Variants in SF3A3 observed in about 807,000 individuals in gnomAD.
SF3A3 encodes splicing factor 3a subunit 3, also known as SAP 61.
SF3A3 carries 9 observed loss-of-function variants against 85.8 expected under a neutral mutation model. The observed-to-expected ratio is 0.10, with a 90% CI of 0.06 to 0.18. SF3A3 has a LOEUF of 0.18. SF3A3 is among the 10% of genes least tolerant of loss of function. The probability of loss-of-function intolerance (pLI) is 1.00; values close to 1 mark genes in which losing one functional copy is unlikely to be tolerated. For missense variants in SF3A3, 306 were observed against 593.3 expected (o/e 0.52, Z 5.03); for synonymous variants, 195 against 204.4 (o/e 0.95, Z 0.39).
rs55747818 is a variant in SF3A3, at chr1:37,965,302, C to CAAA, written c.1372+2739_1372+2741dup. ...GCAACATAAGGAAACCCCATCGGCA[C>CAAA]AAAAAAAAAAAAAAAAAGAAAATAA... is the stretch of plus-strand genomic sequence containing the variant. On this transcript the variant is annotated intron_variant, in intron 15 of 16. Coordinates refer to ENST00000373019, the MANE Select transcript of SF3A3 (RefSeq NM_006802.4). 9.2e-3 allele frequency among the ~76,000 whole-genome samples: 918 copies of CAAA among 100,262 alleles called. 52 individuals carry two copies. The highest frequency in any genetic ancestry group is 0.019 in the African/African-American group (469 of 24,808). The allele number at this position is 100,262 out of a possible 152,430, so 65.8% of individuals were successfully genotyped here.
intron 15 of SF3A3, among the ~76,000 whole-genome samples, chr1:37,960,897 C>A (rs555015214): frequency 1.3e-5 from 2 of 152,246 alleles, no homozygotes; most frequent in South Asian, 4.1e-4. Flanking sequence ...TCGTGATCCA[C>A]CCGCCTCGGC....
intron 15 of SF3A3, among the ~76,000 whole-genome samples, chr1:37,964,342 G>A (rs1646283883): frequency 6.6e-6 from 1 of 151,234 alleles, no homozygotes; most frequent in Non-Finnish European, 1.5e-5. Context: ...TAAGACACAC[G>A]TGTTGTAATC....
Position 37,968,037 on chromosome 1 carries a change from T to C in SF3A3, c.1372+7A>G, listed in dbSNP as rs1374053984. The C allele has an allele frequency of 1.9e-6, 3 of 1,590,420 alleles. No homozygotes were observed. The highest frequency in any genetic ancestry group is 1.7e-5 in the Admixed American group (1 of 59,954). ...CGCCTAGGAGACAGTAAATAAATCT[T>C]ACTTACAGGAGACAGCATCTTCAAT... On this transcript the variant is annotated splice_region_variant and intron_variant, in intron 15 of 16. Transcript: ENST00000373019.
intron 15 of SF3A3, 164 bp from the exon 16 acceptor site, chr1:37,960,339 C>CA: frequency 3.5e-6 from 2 of 574,230 alleles, no homozygotes; most frequent in Non-Finnish European, 6.3e-6. Context: ...CACCTATAGA[C>CA]AAAACCCTTT....
At chr1:37,976,804 A>G (rs1333043223) in intron 12 of SF3A3, 80 bp downstream of exon 12, 1 of 922,066 alleles carries the variant, frequency 1.1e-6, no homozygotes, top group Non-Finnish European at 1.8e-6. Context: ...AACCTAATGA[A>G]AAAGTATCTT....
chr1:37,982,025 T>TAA (rs2148723120), intron 6 of SF3A3, among the ~76,000 whole-genome samples: 1 of 132,618 alleles, frequency 7.5e-6, no homozygotes, highest in Non-Finnish European at 1.8e-5. Context: ...TCAGACATAA[T>TAA]AACTTTACAA....
chr1:37,975,171 G>A (rs1646371108), intron 12 of SF3A3, among the ~76,000 whole-genome samples: 1 of 152,174 alleles, frequency 6.6e-6, no homozygotes, highest in Non-Finnish European at 1.5e-5. Flanking sequence ...AAAGTATTTG[G>A]CTAGAACTGG....
intron 12 of SF3A3, among the ~76,000 whole-genome samples, chr1:37,970,354 T>A (rs574341247): frequency 6.8e-6 from 1 of 146,836 alleles, no homozygotes; most frequent in Non-Finnish European, 1.5e-5. Flanking sequence ...CCCAGATTCA[T>A]AAAGCAAGTC....
chr1:37,988,879 G>GTATATA (rs67489095), intron 2 of SF3A3, among the ~76,000 whole-genome samples: 5 of 144,354 alleles, frequency 3.5e-5, no homozygotes, highest in African/African-American at 8.1e-5. Flanking sequence ...GTGTGTGTGT[G>GTATATA]TATATATATA....
chr1:37,981,539 C>T (rs1646418732), intron 7 of SF3A3, among the ~76,000 whole-genome samples, 190 bp downstream of exon 7: 1 of 152,180 alleles, frequency 6.6e-6, no homozygotes, highest in Admixed American at 6.6e-5. Context: ...CCCACAGACA[C>T]ACCTTTGTCC....
chr1:37,974,215 G>C (rs1163845346), intron 12 of SF3A3, among the ~76,000 whole-genome samples: 2 of 149,718 alleles, frequency 1.3e-5, no homozygotes, highest in South Asian at 2.1e-4. Flanking sequence ...ATGTACCCTA[G>C]AACTTAAAGT....
rs569819275 is a variant in SF3A3, at chr1:37,964,192, A to G, written c.1372+3852T>C. Among the ~76,000 whole-genome samples, 32 of 151,762 alleles carry G rather than the reference A, an allele frequency of 2.1e-4. 1 individual carries two copies. The South Asian group carries it at 6.0e-3, about 29-fold the overall frequency. ...GACTCCGTCTCAAATAAAAAACAAG[A>G]ACAAAAACAAACTCTGTATGGCTAA... is the stretch of plus-strand genomic sequence containing the variant. On this transcript the variant is annotated intron_variant, in intron 15 of 16. Transcript: ENST00000373019.
chr1:37,965,825 G>T (rs1365143364), intron 15 of SF3A3, among the ~76,000 whole-genome samples: 1 of 151,790 alleles, frequency 6.6e-6, no homozygotes, highest in Admixed American at 6.6e-5. Flanking sequence ...TTTAACAGTG[G>T]GGGGTGGGAT....
intron 12 of SF3A3, among the ~76,000 whole-genome samples, chr1:37,972,434 A>C (rs1570460738): frequency 6.6e-6 from 1 of 152,332 alleles, no homozygotes; most frequent in South Asian, 2.1e-4. Context: ...ATACTGCCCA[A>C]GGTAATTTAT....
At chr1:37,971,436 AG>A (rs1219742830) in intron 12 of SF3A3, among the ~76,000 whole-genome samples, 1 of 152,150 alleles carries the variant, frequency 6.6e-6, no homozygotes, top group Non-Finnish European at 1.5e-5. Flanking sequence ...GTACAAAAAG[AG>A]CTGGTACCAT....
rs1261169754 is a variant in SF3A3 at position 37,989,536 on chromosome 1, C to A, written c.144+12G>T. The A allele has an allele frequency of 1.9e-6, 3 of 1,612,924 alleles. No homozygotes were observed. Among genetic ancestry groups the A allele is most frequent in the Non-Finnish European group, 1.7e-6 (2 of 1,179,664 alleles). On this transcript the variant is annotated intron_variant, in intron 2 of 16. Transcript: ENST00000373019. ...CGCCAACCCAAAGAGAGGCAGACAG[C>A]TGGGCACTCACATCTTGCATGGCCC... is the stretch of plus-strand genomic sequence containing the variant.
At position 37,982,095 on chromosome 1, in the gene SF3A3, T is replaced by C. The variant is rs868534396; in HGVS notation, c.469-284A>G. Among the ~76,000 whole-genome samples, 9 of 145,194 alleles carry C rather than the reference T, an allele frequency of 6.2e-5. No individual in the cohort carries two copies. The South Asian group carries it at 1.1e-3, about 18-fold the overall frequency. On this transcript the variant is annotated intron_variant, in intron 6 of 16. Transcript: ENST00000373019. The stretch of plus-strand genomic sequence containing the variant: ...GAAACGTTTGTCGATTATTACCTCA[T>C]GCTAGGGTCTTGGTTAAAGACTCTG...
At position 37,972,177 on chromosome 1, in the gene SF3A3, T is replaced by C. The variant is rs534823539; in HGVS notation, c.1006-2442A>G. Among the ~76,000 whole-genome samples the C allele has an allele frequency of 4.6e-5, 7 of 152,202 alleles. No individual in the cohort carries two copies. In the East Asian group the frequency reaches 5.8e-4, roughly 13 times the overall value. On this transcript the variant is annotated intron_variant, in intron 12 of 16. Transcript: ENST00000373019. ...AGCAAAGTCTCAGGATACAAAATCA[T>C]GTGCAAAAATCACAAGCATTCTTAT...
Position 37,989,872 on chromosome 1 carries a change from T to A in SF3A3, c.94A>T (p.Thr32Ser). ...GCCTCTGCTCAGGCCCCACTCACCG[T>A]GGACTTCTTGGTGAGCATCTCTTTA... The part of the protein sequence containing the change: ...MAKEMLTKKS[T>S]LRDQINSDHR... Residue 32 changes from threonine to serine, a missense_variant and splice_region_variant, in exon 1 of 17, where the codon ACG (threonine) becomes TCG (serine). Thr to Ser is a moderately conservative substitution (Grantham distance 58, BLOSUM62 1). Transcript: ENST00000373019. The A allele has an allele frequency of 6.2e-7, 1 of 1,609,792 alleles. No homozygotes were observed. The highest frequency in any genetic ancestry group is 8.5e-7 in the Non-Finnish European group (1 of 1,176,300).
Sources: allele counts gnomAD v4.1 joint callset (sites outside exome capture counted in the v4.1 genomes callset), GRCh38; gene constraint gnomAD v4.1.1; transcripts MANE v1.5; gene names NCBI Gene and HGNC (gene_info 2026-07-23, HGNC 2026-07-21).